CAPN7: variants seen among roughly 807,000 people sequenced by gnomAD.
CAPN7 encodes the protein calpain 7, also known as calpain-7.
Under a neutral mutation model 115.2 loss-of-function variants are expected in CAPN7, and 72 were observed. The observed-to-expected ratio is 0.63, with a 90% CI of 0.52 to 0.76. The LOEUF is 0.76. CAPN7 is among the 30% of genes least tolerant of loss of function. The pLI is 0.00. For missense variants in CAPN7, 905 were observed against 971.5 expected (o/e 0.93, Z 0.91); for synonymous variants, 344 against 322.3 (o/e 1.07, Z -0.72).
intron 15 of CAPN7, 58 bp downstream of exon 15, chr3:15,241,646 A>G (rs1695357630): frequency 1.4e-6 from 2 of 1,461,146 alleles, no homozygotes; most frequent in Non-Finnish European, 1.9e-6. Context: ...TAGTTAGAAC[A>G]TTGTGAAAGA....
chr3:15,233,937 T>C lies in CAPN7; in HGVS notation c.1250T>C (p.Phe417Ser), dbSNP rs1469042704. Reference protein sequence around the residue: ...RIAMHSDSQTFSKDNSFRMLY... With the variant: ...RIAMHSDSQTSSKDNSFRMLY... Reference sequence around the variant, plus strand: ...GCTATGCATTCAGATAGCCAAACTTTCAGTAAGGATAATTCTTTCAGAATG... The same window carrying C: ...GCTATGCATTCAGATAGCCAAACTTCCAGTAAGGATAATTCTTTCAGAATG... The change falls in exon 11 of 21, where the codon TTC becomes TCC. Residue 417 changes from phenylalanine (F) to serine (S), a missense_variant. By Grantham distance (155) the Phe-to-Ser change is radical. Coordinates refer to ENST00000253693, the MANE Select transcript of CAPN7 (RefSeq NM_014296.3). 3 of 1,599,202 alleles carry C rather than the reference T, an allele frequency of 1.9e-6. No individual in the cohort carries two copies. Among genetic ancestry groups the C allele is most frequent in the East Asian group, 4.5e-5 (2 of 44,660 alleles).
chr3:15,231,189 A>C (rs1006102078), intron 9 of CAPN7, among the ~76,000 whole-genome samples: 3 of 152,206 alleles, frequency 2.0e-5, no homozygotes, highest in Non-Finnish European at 4.4e-5. Flanking sequence ...TCTGTAGTTC[A>C]GTAATACTCA....
At position 15,206,337 on chromosome 3, in the gene CAPN7, G is replaced by C. The variant is rs1189708353; in HGVS notation, c.-159G>C. 1.8e-6 allele frequency: 1 copy of C among 561,884 alleles called. No homozygotes were observed. 34.8% of individuals were successfully genotyped at this position (561,884 alleles called of 1,614,324 possible). A position where few individuals can be genotyped will look rare whatever the true frequency, so the allele number is the denominator to read the frequency against. ...GCGGCTTCGCGGTGGACCCCAGCCC[G>C]GCAACGGGAAGGCGAGCTCTCCTCC... On this transcript the variant is annotated 5_prime_UTR_variant, in exon 1 of 21. Coordinates refer to ENST00000253693, the MANE Select transcript of CAPN7 (RefSeq NM_014296.3).
chr3:15,232,211 G>A lies in CAPN7; in HGVS notation c.1033-308G>A, dbSNP rs184058587. On this transcript the variant is annotated intron_variant, in intron 9 of 20. Transcript: ENST00000253693. The stretch of plus-strand genomic sequence containing the variant: ...AGTGATCAAGAAGTCTTGGATTTTG[G>A]AGCATTTCAAATTTTAGATTTTTTA... The A allele has an allele frequency of 1.8e-3, 617 of 344,936 alleles. 1 individual carries two copies. The highest frequency in any genetic ancestry group is 3.0e-3 in the Non-Finnish European group (555 of 183,204). 21.4% of individuals were successfully genotyped at this position (344,936 alleles called of 1,614,324 possible).
chr3:15,210,712 C>T (rs1472927551), intron 1 of CAPN7: 4 of 1,093,486 alleles, frequency 3.7e-6, no homozygotes, highest in Non-Finnish European at 4.9e-6. Context: ...CCTCCCGCCT[C>T]AGCCTCCTGA....
intron 2 of CAPN7, among the ~76,000 whole-genome samples, chr3:15,212,647 T>C (rs2045022793): frequency 6.6e-6 from 1 of 152,166 alleles, no homozygotes; most frequent in Non-Finnish European, 1.5e-5. Context: ...AGACCTTTGC[T>C]AAACTCTTTA....
intron 19 of CAPN7, 61 bp downstream of exon 19, chr3:15,247,518 CAAA>C: frequency 7.0e-7 from 1 of 1,420,328 alleles, no homozygotes; most frequent in Admixed American, 2.4e-5. Flanking sequence ...CATAGTATAA[CAAA>C]AAAGTTTAGA....
In CAPN7 at chr3:15,220,815, G is replaced by T; in HGVS notation, c.472G>T (p.Val158Phe). The T allele has an allele frequency of 6.2e-7, 1 of 1,614,182 alleles. No homozygotes were observed. The highest frequency in any genetic ancestry group is 8.5e-7 in the Non-Finnish European group (1 of 1,180,036). ...GCTGAGTGAGCCTTTGACCAAGCCA[G>T]TTGGCAAAATCAGTTCAACAAGTGT... ...EALSEPLTKPVGKISSTSVKP... is the reference protein window; with the variant it reads ...EALSEPLTKPFGKISSTSVKP... The change falls in exon 5 of 21, where the codon GTT becomes TTT. Residue 158 changes from valine to phenylalanine, a missense_variant. Val to Phe is a conservative substitution (Grantham distance 50, BLOSUM62 -1). Transcript: ENST00000253693.
At position 15,221,858 on chromosome 3, in the gene CAPN7, A is replaced by T. The variant is rs111875969; in HGVS notation, c.638+877A>T. Among the ~76,000 whole-genome samples, 520 of 152,116 alleles carry T rather than the reference A, an allele frequency of 3.4e-3. 6 individuals carry two copies. Among genetic ancestry groups the T allele is most frequent in the African/African-American group, 0.012 (485 of 41,510 alleles). Reference sequence around the variant, plus strand: ...GATGATGTGCACTGTAATCCCAGCTACTTGGGAGGATCACTTGAGCCCAGG... The same window carrying T: ...GATGATGTGCACTGTAATCCCAGCTTCTTGGGAGGATCACTTGAGCCCAGG... On this transcript the variant is annotated intron_variant, in intron 5 of 20. Transcript: ENST00000253693.
chr3:15,218,668 T>C (rs1305758802), intron 4 of CAPN7, 128 bp downstream of exon 4: 27 of 698,920 alleles, frequency 3.9e-5, no homozygotes, highest in Non-Finnish European at 6.8e-5. Flanking sequence ...GAAACAAATC[T>C]ACTTTCTACT....
intron 11 of CAPN7, among the ~76,000 whole-genome samples, chr3:15,234,318 AAAAT>A (rs1694865082): frequency 6.6e-6 from 1 of 152,244 alleles, no homozygotes; most frequent in Non-Finnish European, 1.5e-5. Flanking sequence ...CTCCATCTCA[AAAAT>A]AAATAAATAA....
chr3:15,240,840 A>G lies in CAPN7; in HGVS notation c.1639A>G (p.Thr547Ala). 1.2e-6 allele frequency: 2 copies of G among 1,600,054 alleles called. No homozygotes were observed. The highest frequency in any genetic ancestry group is 1.1e-5 in the South Asian group (1 of 90,616). ...SWNPGLFKES[T>A]CIHSTWDAKQ... ...GAATCCAGGTCTTTTTAAAGAATCA[A>G]CATGTATTCACAGGTAACTTTTTGC... The change falls in exon 14 of 21, where the codon ACA (threonine) becomes GCA (alanine). Residue 547 changes from threonine to alanine, a missense_variant. Coordinates refer to ENST00000253693, the MANE Select transcript of CAPN7 (RefSeq NM_014296.3).
At chr3:15,206,687 C>A in intron 1 of CAPN7, 90 bp downstream of exon 1, 1 of 932,492 alleles carries the variant, frequency 1.1e-6, no homozygotes. Flanking sequence ...GGTGCGGAGG[C>A]TAGCGGCCCC....
intron 16 of CAPN7, among the ~76,000 whole-genome samples, chr3:15,242,923 T>G (rs1478188337): frequency 6.6e-6 from 1 of 152,204 alleles, no homozygotes; most frequent in Non-Finnish European, 1.5e-5. Context: ...AGAATAGTGA[T>G]GAACAAAACA....
intron 2 of CAPN7, among the ~76,000 whole-genome samples, chr3:15,213,857 A>G (rs1040634419): frequency 2.0e-5 from 3 of 151,774 alleles, no homozygotes; most frequent in African/African-American, 7.3e-5. Context: ...AAGACTTGCC[A>G]GTGAAATAGA....
Position 15,240,589 on chromosome 3 carries a change from TCC to T in CAPN7, c.1527_1528del (p.Arg510AsnfsTer16), listed in dbSNP as rs1353271671. The T allele has an allele frequency of 6.2e-7, 1 of 1,608,844 alleles. No individual in the cohort carries two copies. Among genetic ancestry groups the T allele is most frequent in the Non-Finnish European group, 8.5e-7 (1 of 1,178,658 alleles). On this transcript the variant is annotated frameshift_variant, in exon 13 of 21. Coordinates refer to ENST00000253693, the MANE Select transcript of CAPN7 (RefSeq NM_014296.3). LOFTEE classifies it high-confidence loss of function. Reference protein sequence around the residue: ...PELQKYLNFDPRTAQKIDNGI... With the variant: ...PELQKYLNFDXRTAQKIDNGI... The stretch of plus-strand genomic sequence containing the variant: ...AGTTGCAAAAGTATTTAAACTTTGA[TCC>T]CCGAACAGCTCAGAAAATAGACAAC...
chr3:15,228,316 A>G lies in CAPN7; in HGVS notation c.852+351A>G. On this transcript the variant is annotated intron_variant, in intron 7 of 20. Coordinates refer to ENST00000253693, the MANE Select transcript of CAPN7 (RefSeq NM_014296.3). ...AAAATCAATTTTTTTGAAATACATT[A>G]TTTAATTTTCTAGGATTTATTAGAA... Among the ~76,000 whole-genome samples, 2 of 152,218 alleles carry G rather than the reference A, an allele frequency of 1.3e-5. 1 individual carries two copies. Among genetic ancestry groups the G allele is most frequent in the Non-Finnish European group, 2.9e-5 (2 of 68,020 alleles).
At chr3:15,225,908 A>G (rs1342173210) in intron 6 of CAPN7, among the ~76,000 whole-genome samples, 3 of 152,192 alleles carry the variant, frequency 2.0e-5, no homozygotes, top group Non-Finnish European at 4.4e-5. Context: ...AGAAAAAGCA[A>G]CAGTAAATGT....
Position 15,212,108 on chromosome 3 carries a change from C to T in CAPN7, c.107C>T (p.Ala36Val). The T allele has an allele frequency of 6.3e-7, 1 of 1,589,462 alleles. No homozygotes were observed. The highest frequency in any genetic ancestry group is 8.6e-7 in the Non-Finnish European group (1 of 1,168,372). ...YSEAVFYYKE[A>V]AQALIYAEMA... Reference sequence around the variant, plus strand: ...TTTGAATTCTTTCATTTTTAGGAAGCTGCACAAGCCTTAATTTATGCTGAG... The same window carrying T: ...TTTGAATTCTTTCATTTTTAGGAAGTTGCACAAGCCTTAATTTATGCTGAG... Residue 36 changes from alanine to valine, a missense_variant, in exon 2 of 21, where the codon GCT becomes GTT. Physicochemically the swap from Ala to Val is moderately conservative, Grantham distance 64. Transcript: ENST00000253693.
Sources: gnomAD v4.1 joint callset for allele counts (sites outside exome capture counted in the v4.1 genomes callset) on GRCh38, gnomAD v4.1.1 for gene constraint, MANE v1.5 for transcripts, NCBI Gene and HGNC (gene_info 2026-07-23, HGNC 2026-07-21) for gene names.